Variants in VAC14 observed in about 807,000 individuals in gnomAD.
VAC14 encodes protein VAC14 homolog.
In VAC14, 47 loss-of-function variants were observed where a neutral mutation model predicts 85.3. That is an observed-to-expected ratio of 0.55 (90% confidence interval 0.44 to 0.70). The LOEUF (loss-of-function observed/expected upper bound fraction) is 0.70. VAC14 is among the 30% of genes least tolerant of loss of function. VAC14 has a pLI of 0.00. For synonymous variants in VAC14, 447 were observed against 430.5 expected (o/e 1.04, Z -0.47); for missense variants, 861 against 1,004.3 (o/e 0.86, Z 1.93).
intron 1 of VAC14, among the ~76,000 whole-genome samples, chr16:70,791,155 C>T (rs986150525): frequency 6.6e-6 from 1 of 152,204 alleles, no homozygotes; most frequent in Non-Finnish European, 1.5e-5. Context: ...CCCTGCCTGG[C>T]CCATGCTGCA....
At chr16:70,748,100 C>T (rs1597929433) in intron 12 of VAC14, among the ~76,000 whole-genome samples, 1 of 151,700 alleles carries the variant, frequency 6.6e-6, no homozygotes, top group African/African-American at 2.4e-5. Context: ...CTCAAGGTAA[C>T]AGCGAGTCCA....
chr16:70,779,178 T>C (rs963335234), intron 9 of VAC14: 2 of 152,242 alleles, frequency 1.3e-5, no homozygotes, highest in Admixed American at 1.3e-4. Flanking sequence ...GGCACAGCTG[T>C]AACCTGACAC....
chr16:70,778,537 C>T (rs556136050), intron 9 of VAC14: 11 of 152,096 alleles, frequency 7.2e-5, no homozygotes, highest in African/African-American at 2.2e-4. Flanking sequence ...GTTGTGCACC[C>T]ATCACCTCTA....
intron 1 of VAC14, among the ~76,000 whole-genome samples, chr16:70,787,532 C>G (rs558781488): frequency 1.6e-4 from 24 of 152,264 alleles, no homozygotes; most frequent in Non-Finnish European, 2.9e-4. Flanking sequence ...GGCTCCACAA[C>G]AGACTAGTCT....
At position 70,780,902 on chromosome 16, in the gene VAC14, C is replaced by G. The variant is rs766205777; in HGVS notation, c.984G>C (p.Leu328=). 1 of 1,614,198 alleles carries G rather than the reference C, an allele frequency of 6.2e-7. No homozygotes were observed. ...KEVANVCNQS[L]MKLVTPEDDE... The stretch of plus-strand genomic sequence containing the variant: ...CGTCCTCGGGGGTGACCAGCTTCAT[C>G]AGGCTCTGGTTGCACACGTTGGCCA... Residue 328 remains leucine (L), a synonymous_variant, in exon 9 of 19, where the codon CTG becomes CTC. Coordinates refer to ENST00000261776, the MANE Select transcript of VAC14 (RefSeq NM_018052.5).
Position 70,715,264 on chromosome 16 carries a change from G to A in VAC14, c.1661+16231C>T, listed in dbSNP as rs117446058. ...TCATCTTTCCTGGCTCAGCTTAGAT[G>A]TCACGTTTCAGAAGCTTTCCCAGAC... On this transcript the variant is annotated intron_variant, in intron 14 of 18. Coordinates refer to ENST00000261776, the MANE Select transcript of VAC14 (RefSeq NM_018052.5). 6.0e-3 allele frequency: 919 copies of A among 152,508 alleles called. 2 individuals are homozygous for A. Among genetic ancestry groups the A allele is most frequent in the Non-Finnish European group, 9.5e-3 (651 of 68,194 alleles). The allele number at this position is 152,508 out of a possible 1,614,324, so 9.4% of individuals were successfully genotyped here. A position where few individuals can be genotyped will look rare whatever the true frequency, so the allele number is the denominator to read the frequency against.
chr16:70,730,251 C>T (rs566337058), intron 14 of VAC14, among the ~76,000 whole-genome samples: 1 of 152,034 alleles, frequency 6.6e-6, no homozygotes, highest in Non-Finnish European at 1.5e-5. Flanking sequence ...CCCCTCCAAC[C>T]CATTCGCCCC....
At chr16:70,732,583 C>T (rs1222115881) in intron 13 of VAC14, among the ~76,000 whole-genome samples, 1 of 152,066 alleles carries the variant, frequency 6.6e-6, no homozygotes, top group Non-Finnish European at 1.5e-5. Flanking sequence ...CTCCACAGCT[C>T]TGTGAAAGGA....
At position 70,725,056 on chromosome 16, in the gene VAC14, G is replaced by A. The variant is rs575352272; in HGVS notation, c.1661+6439C>T. 3.0e-4 allele frequency among the ~76,000 whole-genome samples: 46 copies of A among 152,376 alleles called. 1 individual carries two copies. Among genetic ancestry groups the A allele is most frequent in the Admixed American group, 3.0e-3 (46 of 15,302 alleles). ...AGAGGAAGAGTGGGGCCGCCTAGAAGCTCTAGCTTGTGAGCTGGGGCCAGA... is the reference window on the plus strand; with the variant it reads ...AGAGGAAGAGTGGGGCCGCCTAGAAACTCTAGCTTGTGAGCTGGGGCCAGA... On this transcript the variant is annotated intron_variant, in intron 14 of 18. Transcript: ENST00000261776.
intron 13 of VAC14, among the ~76,000 whole-genome samples, chr16:70,739,043 C>T (rs2029993735): frequency 6.6e-6 from 1 of 152,358 alleles, no homozygotes; most frequent in African/African-American, 2.4e-5. Context: ...GCCCTCTGCA[C>T]CGGCCTGTAA....
At chr16:70,743,763 AC>A (rs1395333061) in intron 13 of VAC14, among the ~76,000 whole-genome samples, 1 of 152,110 alleles carries the variant, frequency 6.6e-6, no homozygotes, top group Admixed American at 6.5e-5. Context: ...ATGGACAGAG[AC>A]CCCCATGGAG....
chr16:70,717,813 AT>A (rs2054199801), intron 14 of VAC14, among the ~76,000 whole-genome samples: 1 of 152,066 alleles, frequency 6.6e-6, no homozygotes, highest in Non-Finnish European at 1.5e-5. Context: ...TGCTCAGTTA[AT>A]TATATTTCTC....
intron 14 of VAC14, among the ~76,000 whole-genome samples, chr16:70,726,413 C>T (rs2054430471): frequency 6.6e-6 from 1 of 152,216 alleles, no homozygotes. Context: ...GTTCCCCCTC[C>T]ACAGACCACC....
Position 70,762,601 on chromosome 16 carries a change from A to T in VAC14, c.1310T>A (p.Phe437Tyr). 1 of 1,614,106 alleles carries T rather than the reference A, an allele frequency of 6.2e-7. No homozygotes were observed. Among genetic ancestry groups the T allele is most frequent in the South Asian group, 1.1e-5 (1 of 91,034 alleles). ...GGGAAAGAGGCTGTCCGTGTGCCGG[A>T]ACATCTGGAGGGCAGAGAAGCAGGG... ...HLYIKTPRKM[F>Y]RHTDSLFPIL... The change falls in exon 12 of 19, where the codon TTC becomes TAC. Residue 437 changes from phenylalanine to tyrosine, a missense_variant. Coordinates refer to ENST00000261776, the MANE Select transcript of VAC14 (RefSeq NM_018052.5). The surrounding 1 kb of genome is among the most constrained non-coding windows in gnomAD (Gnocchi z 4.1).
At chr16:70,691,164 C>G in intron 18 of VAC14, 4 of 985,560 alleles carry the variant, frequency 4.1e-6, no homozygotes, top group Non-Finnish European at 4.8e-6. Flanking sequence ...CAAACTTGTT[C>G]TACCCTGGTT....
intron 14 of VAC14, among the ~76,000 whole-genome samples, chr16:70,712,518 C>G (rs1007280897): frequency 5.3e-5 from 8 of 152,268 alleles, no homozygotes; most frequent in South Asian, 2.1e-4. Flanking sequence ...AGTGTCTAGC[C>G]GGGCTCAGGA....
intron 12 of VAC14, among the ~76,000 whole-genome samples, chr16:70,748,663 A>C (rs931869445): frequency 2.6e-5 from 4 of 152,188 alleles, no homozygotes; most frequent in African/African-American, 9.6e-5. Context: ...CTCATGACAC[A>C]AGGCCAGGTG....
At chr16:70,738,563 T>C (rs1446885184) in intron 13 of VAC14, among the ~76,000 whole-genome samples, 2 of 151,316 alleles carry the variant, frequency 1.3e-5, no homozygotes, top group Non-Finnish European at 3.0e-5. Context: ...GGAGAGGGTG[T>C]GGAGGAAGGC....
chr16:70,766,026 G>A (rs1452944734), intron 10 of VAC14, among the ~76,000 whole-genome samples: 3 of 151,982 alleles, frequency 2.0e-5, no homozygotes, highest in East Asian at 1.9e-4. Context: ...CCAGCCACTC[G>A]GGAGGCTGAA....
Sources: gnomAD v4.1 joint callset for allele counts (sites outside exome capture counted in the v4.1 genomes callset) on GRCh38, gnomAD v4.1.1 for gene constraint, Gnocchi (gnomAD v3.1) non-coding constraint, MANE v1.5 for transcripts, NCBI Gene and HGNC (gene_info 2026-07-23, HGNC 2026-07-21) for gene names.